APC: variants seen among roughly 807,000 people sequenced by gnomAD.
APC encodes adenomatous polyposis coli protein.
APC carries 72 observed loss-of-function variants against 247.0 expected under a neutral mutation model. The observed-to-expected ratio is 0.29, with a 90% CI of 0.24 to 0.35. APC has a LOEUF of 0.35. Ranked by LOEUF, APC falls within the 10% of genes least tolerant of loss-of-function variation. APC has a pLI of 1.00. For synonymous variants in APC, 1,254 were observed against 1,162.5 expected, an observed-to-expected ratio of 1.08 and a Z score of -1.60; for missense variants, 3,400 against 3,360.7, an observed-to-expected ratio of 1.01 and a Z score of -0.29.
At chr5:112,813,076 A>C (rs1197218668) in intron 8 of APC, among the ~76,000 whole-genome samples, 1 of 152,142 alleles carries the variant, frequency 6.6e-6, no homozygotes, top group East Asian at 1.9e-4. Context: ...CCAACCCCAG[A>C]CTTCCCTATG....
chr5:112,827,934 G>A lies in APC; in HGVS notation c.1554G>A (p.Thr518=), dbSNP rs546568052. Residue 518 remains threonine (T), a synonymous_variant, in exon 13 of 16, where the codon ACG becomes ACA. Transcript: ENST00000257430. ...ATTCTGTATTTAATTTACAGGCTAC[G>A]CTATGCTCTATGAAAGGCTGCATGA... ...LTFGDVANKA[T]LCSMKGCMRA... is the part of the protein sequence containing the mutation. 5.1e-4 allele frequency: 819 copies of A among 1,612,922 alleles called. 12 individuals are homozygous for A. In the South Asian group the frequency reaches 8.5e-3, roughly 17 times the overall value.
chr5:112,829,479 T>C (rs1460295636), intron 14 of APC: 1 of 164,562 alleles, frequency 6.1e-6, no homozygotes, highest in Non-Finnish European at 1.3e-5. Context: ...CAGTCCATAG[T>C]TTTAGAGTAC....
intron 14 of APC, among the ~76,000 whole-genome samples, chr5:112,832,913 A>G (rs1440160172): frequency 6.6e-6 from 1 of 152,160 alleles, no homozygotes; most frequent in African/African-American, 2.4e-5. Flanking sequence ...TGCATCCTCT[A>G]GAGTGCCTCT....
intron 1 of APC, among the ~76,000 whole-genome samples, chr5:112,726,530 G>A (rs191732214): frequency 6.6e-6 from 1 of 152,122 alleles, no homozygotes; most frequent in Non-Finnish European, 1.5e-5. Context: ...AGGGGGTTTG[G>A]GGTTTTTAAT....
chr5:112,819,428 G>A (rs2149784854), intron 10 of APC, 84 bp downstream of exon 10: 1 of 1,549,902 alleles, frequency 6.5e-7, no homozygotes, highest in Middle Eastern at 1.9e-4. Context: ...TAGTTAATAT[G>A]CTGTCTTTAT....
rs77288644 is a variant in APC, at chr5:112,806,349, C to G, written c.834+4966C>G. 0.055 allele frequency among the ~76,000 whole-genome samples: 8,388 copies of G among 152,178 alleles called. 439 individuals are homozygous for G. The highest frequency in any genetic ancestry group is 0.14 in the East Asian group (700 of 5,178). ...TATCTAGTTTTGTTATTTTCATACC[C>G]ACACAGTCCCTGATAAATAGTAGAT... On this transcript the variant is annotated intron_variant, in intron 8 of 15. Transcript: ENST00000257430.
intron 11 of APC, among the ~76,000 whole-genome samples, chr5:112,825,509 C>G (rs1580556841): frequency 6.6e-6 from 1 of 152,244 alleles, no homozygotes; most frequent in South Asian, 2.1e-4. Flanking sequence ...CATGCTGTTT[C>G]CTTTGCTTAG....
chr5:112,796,829 T>TC (rs557747632), intron 7 of APC, among the ~76,000 whole-genome samples: 4 of 151,946 alleles, frequency 2.6e-5, no homozygotes, highest in Non-Finnish European at 5.9e-5. Flanking sequence ...GTTAGTTCTT[T>TC]CCCCCCCATC....
At chr5:112,785,881 A>G (rs1758886913) in intron 6 of APC, among the ~76,000 whole-genome samples, 1 of 152,198 alleles carries the variant, frequency 6.6e-6, no homozygotes, top group Non-Finnish European at 1.5e-5. Flanking sequence ...ATAGAATAAA[A>G]TACAGGCAAG....
At chr5:112,765,263 C>T (rs1756153072) in intron 2 of APC, among the ~76,000 whole-genome samples, 1 of 152,108 alleles carries the variant, frequency 6.6e-6, no homozygotes, top group South Asian at 2.1e-4. Flanking sequence ...TGCCACCACT[C>T]ATGGTTTTTG....
At chr5:112,727,354 C>G (rs1751845298) in intron 1 of APC, among the ~76,000 whole-genome samples, 1 of 151,996 alleles carries the variant, frequency 6.6e-6, no homozygotes, top group South Asian at 2.1e-4. Context: ...TTAGGCAATG[C>G]CATCTGCAGT....
At chr5:112,828,148 A>C (rs1295698457) in intron 13 of APC, 142 bp downstream of exon 13, 2 of 742,098 alleles carry the variant, frequency 2.7e-6, no homozygotes, top group Non-Finnish European at 4.7e-6. Context: ...CAATCCTCCC[A>C]CTTCAGCCTC....
rs763487503 is a variant in APC at position 112,767,365 on chromosome 5, T to G, written c.397T>G (p.Tyr133Asp). Residue 133 changes from tyrosine (Y) to aspartate (D), a missense_variant, in exon 4 of 16, where the codon TAT (tyrosine) becomes GAT (aspartate). Physicochemically the swap from Tyr to Asp is radical, Grantham distance 160. Transcript: ENST00000257430. The stretch of plus-strand genomic sequence containing the variant: ...AAATGGAAGCAGAGAAAGTACTGGA[T>G]ATTTAGAAGAACTTGAGAAAGAGAG... ...FVNGSRESTGYLEELEKERSL... is the reference protein window; with the variant it reads ...FVNGSRESTGDLEELEKERSL... 12 of 1,613,956 alleles carry G rather than the reference T, an allele frequency of 7.4e-6. No individual in the cohort carries two copies. The South Asian group carries it at 1.3e-4, about 18-fold the overall frequency.
At chr5:112,714,531 T>G (rs1346720907) in intron 1 of APC, among the ~76,000 whole-genome samples, 9 of 152,256 alleles carry the variant, frequency 5.9e-5, no homozygotes, top group African/African-American at 1.9e-4. Context: ...TTAATTTCTC[T>G]TATTCATTCT....
chr5:112,825,505 G>A (rs1763555484), intron 11 of APC, among the ~76,000 whole-genome samples: 2 of 152,152 alleles, frequency 1.3e-5, no homozygotes. Context: ...TTCACATGCT[G>A]TTTCCTTTGC....
In APC at chr5:112,798,604, G is replaced by T. The variant is rs185047722; in HGVS notation, c.730-2675G>T. Among the ~76,000 whole-genome samples, 25 of 152,238 alleles carry T rather than the reference G, an allele frequency of 1.6e-4. No individual in the cohort carries two copies. The South Asian group carries it at 3.3e-3, about 20-fold the overall frequency. ...ATCACCTAGAGTAGAAAACCTTGGA[G>T]AAGTTGTAAAGCAACTATGGAAATG... On this transcript the variant is annotated intron_variant, in intron 7 of 15. Transcript: ENST00000257430.
chr5:112,778,549 T>TG (rs1388003750), intron 5 of APC: 4 of 116,062 alleles, frequency 3.4e-5, no homozygotes, highest in African/African-American at 1.1e-4. Context: ...TCACGTAACT[T>TG]ATTTTTTTTT....
chr5:112,764,078 TAAAA>T (rs36096224), intron 2 of APC, among the ~76,000 whole-genome samples: 1 of 139,676 alleles, frequency 7.2e-6, no homozygotes. Context: ...TCTACTATAC[TAAAA>T]AAAAAAAAAA....
At chr5:112,778,464 AT>A (rs1317488916) in intron 5 of APC, 23 of 150,678 alleles carry the variant, frequency 1.5e-4, no homozygotes, top group Non-Finnish European at 5.9e-5. Context: ...AGTATTCTAT[AT>A]TTAAAAAAAA....
Sources: gnomAD v4.1 joint callset for allele counts (sites outside exome capture counted in the v4.1 genomes callset) on GRCh38, gnomAD v4.1.1 for gene constraint, MANE v1.5 for transcripts, NCBI Gene and HGNC (gene_info 2026-07-23, HGNC 2026-07-21) for gene names.